NREP: variants seen among roughly 807,000 people sequenced by gnomAD.
NREP encodes neuronal regeneration-related protein.
In NREP, 5 loss-of-function variants were observed where a neutral mutation model predicts 8.6. The observed-to-expected ratio is 0.58, with a 90% CI of 0.30 to 1.22. The LOEUF (loss-of-function observed/expected upper bound fraction) is 1.22, where lower values mean the gene tolerates loss of function less well. Among genes scored for constraint, NREP ranks in the 50% most tolerant of loss-of-function variants. NREP has a pLI of 0.07. For missense variants in NREP, 86 were observed against 82.5 expected, an observed-to-expected ratio of 1.04 and a Z score of -0.17; for synonymous variants, 27 against 28.0, an observed-to-expected ratio of 0.96 and a Z score of 0.11.
chr5:111,892,805 G>C (rs1754425569), intron 2 of NREP, among the ~76,000 whole-genome samples: 1 of 151,990 alleles, frequency 6.6e-6, no homozygotes, highest in Non-Finnish European at 1.5e-5. Context: ...GCCATTCAAG[G>C]CACTGGTTTA....
intron 2 of NREP, among the ~76,000 whole-genome samples, chr5:111,957,498 G>C (rs754573272): frequency 2.0e-5 from 3 of 151,658 alleles, no homozygotes; most frequent in Non-Finnish European, 2.9e-5. Flanking sequence ...GAACTAGAAG[G>C]CATAGATAAC....
At chr5:111,857,607 C>A (rs765053009) in intron 2 of NREP, among the ~76,000 whole-genome samples, 7 of 151,916 alleles carry the variant, frequency 4.6e-5, no homozygotes, top group Non-Finnish European at 8.8e-5. Context: ...AATAAAATAT[C>A]CAACTGATCA....
At chr5:111,917,299 A>G (rs657736) in intron 2 of NREP, among the ~76,000 whole-genome samples, 142,538 of 152,208 alleles carry the variant, frequency 0.94, 67,136 homozygotes, top group Middle Eastern at 0.99. Flanking sequence ...AGCTGGTACC[A>G]TTCTTTCTGA....
chr5:111,832,294 G>A (rs1752787970), intron 2 of NREP, among the ~76,000 whole-genome samples: 1 of 152,094 alleles, frequency 6.6e-6, no homozygotes, highest in Non-Finnish European at 1.5e-5. Flanking sequence ...GAGGCAGGCA[G>A]ATCACTAGAG....
At chr5:111,757,490 A>C, upstream of NREP, 1 of 984,936 alleles carries the variant, frequency 1.0e-6, no homozygotes, top group Non-Finnish European at 1.2e-6. Flanking sequence ...GCTAATTCTG[A>C]TGGAGCTGGC....
In NREP at chr5:111,847,239, C is replaced by T. The variant is rs116391896; in HGVS notation, c.136-111732G>A. ...GACTGGAAGTACAAGATCAAGCTGC[C>T]GAACGGTTGGGTTCTATGTGAGGGT... On this transcript the variant is annotated intron_variant, in intron 2 of 3. Coordinates refer to the NREP transcript ENST00000395634. Among the ~76,000 whole-genome samples, 737 of 152,174 alleles carry T rather than the reference C, an allele frequency of 4.8e-3. 2 individuals carry two copies. The highest frequency in any genetic ancestry group is 7.2e-3 in the Non-Finnish European group (492 of 68,000).
chr5:111,873,834 C>A (rs1315702520), intron 2 of NREP, among the ~76,000 whole-genome samples: 1 of 152,160 alleles, frequency 6.6e-6, no homozygotes, highest in Non-Finnish European at 1.5e-5. Context: ...ATTTTGCCTA[C>A]TACAAGGGCT....
intron 2 of NREP, among the ~76,000 whole-genome samples, chr5:111,940,961 A>G (rs973864251): frequency 2.6e-5 from 4 of 152,132 alleles, no homozygotes; most frequent in African/African-American, 4.8e-5. Context: ...AATGTCTTCA[A>G]TAAGTCTTCA....
intron 2 of NREP, among the ~76,000 whole-genome samples, chr5:111,971,172 T>C (rs1756806543): frequency 6.6e-6 from 1 of 152,222 alleles, no homozygotes; most frequent in Non-Finnish European, 1.5e-5. Flanking sequence ...ATGTACACTG[T>C]AGTACTTTTC....
intron 1 of NREP, chr5:111,976,660 T>C (rs773446023): frequency 8.9e-5 from 131 of 1,469,740 alleles, no homozygotes; most frequent in Non-Finnish European, 1.1e-4. Flanking sequence ...GTTTTCTTCC[T>C]TTAAAAATGT....
chr5:111,816,134 G>C (rs973973606), intron 2 of NREP, among the ~76,000 whole-genome samples: 2 of 152,110 alleles, frequency 1.3e-5, no homozygotes, highest in Non-Finnish European at 2.9e-5. Flanking sequence ...AATCAAAAAT[G>C]CTATTTCTGA....
intron 2 of NREP, among the ~76,000 whole-genome samples, chr5:111,923,840 T>G (rs78789958): frequency 9.2e-5 from 14 of 152,338 alleles, no homozygotes; most frequent in African/African-American, 3.4e-4. Flanking sequence ...CAAGCAAAGC[T>G]TGTTTTAACT....
At chr5:111,903,156 TCACTGCAACCTCCAC>T (rs1367982125) in intron 2 of NREP, among the ~76,000 whole-genome samples, 2 of 148,858 alleles carry the variant, frequency 1.3e-5, no homozygotes, top group Non-Finnish European at 3.0e-5. Flanking sequence ...CAATCTTGGC[TCACTGCAACCTCCAC>T]CTCCCGGGTT....
intron 2 of NREP, among the ~76,000 whole-genome samples, chr5:111,809,132 A>G (rs893875708): frequency 3.9e-5 from 6 of 152,162 alleles, no homozygotes; most frequent in African/African-American, 1.2e-4. Context: ...ATGTTAAGGC[A>G]TTTTTTAAAA....
At chr5:111,957,914 T>C (rs1756369884) in intron 2 of NREP, among the ~76,000 whole-genome samples, 1 of 151,832 alleles carries the variant, frequency 6.6e-6, no homozygotes, top group Admixed American at 6.6e-5. Context: ...ATTTAAATGA[T>C]CATCTCAATA....
chr5:111,958,259 T>C (rs1191383994), intron 2 of NREP, among the ~76,000 whole-genome samples: 1 of 151,914 alleles, frequency 6.6e-6, no homozygotes, highest in Non-Finnish European at 1.5e-5. Context: ...ATACTATAAT[T>C]TTAATTTTTC....
intron 2 of NREP, among the ~76,000 whole-genome samples, chr5:111,824,637 C>A (rs971732488): frequency 6.6e-6 from 1 of 152,080 alleles, no homozygotes; most frequent in Non-Finnish European, 1.5e-5. Flanking sequence ...AGGCAATAAT[C>A]CCATTAGGAA....
At chr5:111,904,513 T>G (rs1390721399) in intron 2 of NREP, among the ~76,000 whole-genome samples, 1 of 152,142 alleles carries the variant, frequency 6.6e-6, no homozygotes, top group East Asian at 1.9e-4. Context: ...ATATAGTATG[T>G]AGGCTTTTCA....
At chr5:111,798,734 G>GGTGTGTGT (rs571252142) in intron 2 of NREP, among the ~76,000 whole-genome samples, 6 of 135,698 alleles carry the variant, frequency 4.4e-5, no homozygotes, top group African/African-American at 1.7e-4. Flanking sequence ...AGTATTCCAT[G>GGTGTGTGT]GTGTGTGTGT....
Sources: gnomAD v4.1 joint callset for allele counts (sites outside exome capture counted in the v4.1 genomes callset) on GRCh38, gnomAD v4.1.1 for gene constraint, MANE v1.5 for transcripts, NCBI Gene and HGNC (gene_info 2026-07-23, HGNC 2026-07-21) for gene names.